LINGO2: variants seen among roughly 807,000 people sequenced by gnomAD.
LINGO2 encodes leucine rich repeat and Ig domain containing 2, also known as leucine-rich repeat and immunoglobulin-like domain-containing nogo receptor-interacting protein 2.
Under a neutral mutation model 30.6 loss-of-function variants are expected in LINGO2, and 14 were observed. That is an observed-to-expected ratio of 0.46 (90% confidence interval 0.30 to 0.72). LINGO2 has a LOEUF of 0.72. Among genes scored for constraint, LINGO2 ranks in the 30% least tolerant of loss-of-function variants. The pLI is 0.07. For missense variants in LINGO2, 729 were observed against 751.7 expected, an observed-to-expected ratio of 0.97 and a Z score of 0.35; for synonymous variants, 317 against 288.5, an observed-to-expected ratio of 1.10 and a Z score of -1.00.
chr9:28,854,630 T>A, the LINGO2 span, among the ~76,000 whole-genome samples: 4 of 152,144 alleles, frequency 2.6e-5, no homozygotes, highest in East Asian at 3.9e-4. Context: ...CCTCTTTAAG[T>A]AGAAGTCCTT....
intron 3 of LINGO2, among the ~76,000 whole-genome samples, chr9:28,315,952 A>G (rs933928523): frequency 6.6e-6 from 1 of 152,172 alleles, no homozygotes; most frequent in Non-Finnish European, 1.5e-5. Context: ...TGAGTTTCAA[A>G]TTTAAAAGTG....
chr9:28,341,073 T>C (rs989409865), intron 3 of LINGO2, among the ~76,000 whole-genome samples: 3 of 152,088 alleles, frequency 2.0e-5, no homozygotes, highest in African/African-American at 7.2e-5. Context: ...TTACATACTG[T>C]TATCTGGATT....
At chr9:28,992,998 A>G in the LINGO2 span, among the ~76,000 whole-genome samples, 3 of 152,062 alleles carry the variant, frequency 2.0e-5, no homozygotes, top group Admixed American at 2.0e-4. Flanking sequence ...AGCAGAAGGC[A>G]AGAAATAACT....
At chr9:28,392,833 T>C (rs1821892966) in intron 2 of LINGO2, among the ~76,000 whole-genome samples, 1 of 152,234 alleles carries the variant, frequency 6.6e-6, no homozygotes, top group African/African-American at 2.4e-5. Context: ...CCAAGGGTTT[T>C]AGAAGCTCTA....
At chr9:28,300,128 A>G (rs1252413341) in intron 3 of LINGO2, among the ~76,000 whole-genome samples, 4 of 6,678 alleles carry the variant, frequency 6.0e-4, no homozygotes, top group South Asian at 0.031. Context: ...TTCTAATGGA[A>G]AAAAAAAAAA....
chr9:28,911,180 A>G, the LINGO2 span, among the ~76,000 whole-genome samples: 1 of 152,098 alleles, frequency 6.6e-6, no homozygotes, highest in Admixed American at 6.6e-5. Flanking sequence ...AAGGTAAAGC[A>G]TATAAGAGGT....
chr9:28,340,605 C>T (rs1436982399), intron 3 of LINGO2, among the ~76,000 whole-genome samples: 1 of 151,948 alleles, frequency 6.6e-6, no homozygotes, highest in African/African-American at 2.4e-5. Context: ...ATTTTCTGAA[C>T]AAGAGTGAGT....
intron 3 of LINGO2, 26 bp downstream of exon 5, chr9:28,372,810 T>C (rs143835253): frequency 2.6e-5 from 4 of 152,698 alleles, no homozygotes; most frequent in Non-Finnish European, 2.9e-5. Flanking sequence ...TGTCAATTTA[T>C]AACAAAAATT....
At chr9:28,121,508 T>A (rs930303940) in intron 4 of LINGO2, among the ~76,000 whole-genome samples, 4 of 152,146 alleles carry the variant, frequency 2.6e-5, no homozygotes, top group African/African-American at 9.7e-5. Flanking sequence ...TTGGTAGCAC[T>A]CCCATGGAAC....
intron 4 of LINGO2, among the ~76,000 whole-genome samples, chr9:28,166,174 A>C (rs1340150266): frequency 1.3e-5 from 2 of 152,250 alleles, no homozygotes; most frequent in African/African-American, 4.8e-5. Context: ...TAAGGATGAA[A>C]GAAACAAACA....
intron 4 of LINGO2, among the ~76,000 whole-genome samples, chr9:28,210,701 G>A (rs10968388): frequency 0.24 from 35,868 of 151,440 alleles, 4,416 homozygotes; most frequent in Middle Eastern, 0.34. Flanking sequence ...GCCACTAGGT[G>A]TAAAACTGGT....
chr9:27,964,373 G>C (rs925548321), intron 5 of LINGO2, among the ~76,000 whole-genome samples: 3 of 152,026 alleles, frequency 2.0e-5, no homozygotes, highest in South Asian at 2.1e-4. Flanking sequence ...ACCAATTCTG[G>C]GGGTAACTGA....
At chr9:28,097,233 G>C (rs1422174515) in intron 4 of LINGO2, among the ~76,000 whole-genome samples, 1 of 152,090 alleles carries the variant, frequency 6.6e-6, no homozygotes, top group South Asian at 2.1e-4. Flanking sequence ...TTACACTGTT[G>C]GTGGGACTGT....
At chr9:28,920,484 T>A in the LINGO2 span, among the ~76,000 whole-genome samples, 10 of 152,130 alleles carry the variant, frequency 6.6e-5, no homozygotes, top group African/African-American at 2.2e-4. Context: ...TAATCAGTCT[T>A]ATAAATTGGT....
intron 1 of LINGO2, among the ~76,000 whole-genome samples, chr9:28,611,597 C>T (rs1181686031): frequency 6.6e-6 from 1 of 152,088 alleles, no homozygotes; most frequent in East Asian, 1.9e-4. Context: ...CTTCTACAAA[C>T]TCATCTTTTT....
chr9:28,310,594 TAA>T (rs1824575001), intron 3 of LINGO2, among the ~76,000 whole-genome samples: 3 of 152,244 alleles, frequency 2.0e-5, no homozygotes, highest in South Asian at 2.1e-4. Context: ...AGGAAAAACT[TAA>T]AAGACACAAG....
At chr9:28,085,784 C>G (rs1276502998) in intron 4 of LINGO2, among the ~76,000 whole-genome samples, 1 of 152,032 alleles carries the variant, frequency 6.6e-6, no homozygotes, top group African/African-American at 2.4e-5. Context: ...TGGAAATCCT[C>G]AAGAATAGTG....
At chr9:28,384,317 C>A (rs1418883793) in intron 2 of LINGO2, among the ~76,000 whole-genome samples, 3 of 83,214 alleles carry the variant, frequency 3.6e-5, no homozygotes, top group African/African-American at 1.0e-4. Flanking sequence ...CCCTTCTTTT[C>A]CATGTTATGC....
chr9:29,107,884 C>T, the LINGO2 span, among the ~76,000 whole-genome samples: 1 of 150,346 alleles, frequency 6.7e-6, no homozygotes, highest in African/African-American at 2.5e-5. Context: ...TTATGCCCTG[C>T]TCTTCTAGCC....
Sources: gnomAD v4.1 joint callset for allele counts (sites outside exome capture counted in the v4.1 genomes callset) on GRCh38, gnomAD v4.1.1 for gene constraint, MANE v1.5 for transcripts, NCBI Gene and HGNC (gene_info 2026-07-23, HGNC 2026-07-21) for gene names.